The following CNBD1 variants were observed in gnomAD, a reference collection of about 807,000 sequenced individuals.
The protein encoded by CNBD1 is cyclic nucleotide-binding domain-containing protein 1.
CNBD1 carries 71 observed loss-of-function variants against 54.4 expected under a neutral mutation model. That is an observed-to-expected ratio of 1.30 (90% CI 1.08 to 1.59). The LOEUF is 1.59. Among genes scored for constraint, CNBD1 ranks in the 40% most tolerant of loss-of-function variants. The pLI is 0.00. For synonymous variants in CNBD1, 182 were observed against 170.7 expected, an observed-to-expected ratio of 1.07 and a Z score of -0.51; for missense variants, 659 against 518.0, an observed-to-expected ratio of 1.27 and a Z score of -2.64.
chr8:87,205,877 TA>T (rs1813961079), intron 4 of CNBD1, 115 bp from the exon 5 acceptor site: 2 of 840,832 alleles, frequency 2.4e-6, no homozygotes, highest in Non-Finnish European at 3.3e-6. Flanking sequence ...AGTTCTTTTT[TA>T]AAAACCCTTA....
chr8:86,923,663 C>A (rs1809312463), intron 3 of CNBD1, among the ~76,000 whole-genome samples: 1 of 152,136 alleles, frequency 6.6e-6, no homozygotes, highest in Non-Finnish European at 1.5e-5. Flanking sequence ...TGCCTCAATG[C>A]AACATCTCTT....
intron 4 of CNBD1, among the ~76,000 whole-genome samples, chr8:86,953,154 T>C (rs1807669543): frequency 6.6e-6 from 1 of 152,196 alleles, no homozygotes; most frequent in Non-Finnish European, 1.5e-5. Context: ...TTGTGGCTAT[T>C]ATGAATGAAG....
intron 6 of CNBD1, among the ~76,000 whole-genome samples, chr8:87,270,211 T>A (rs1270663672): frequency 6.6e-6 from 1 of 151,906 alleles, no homozygotes; most frequent in Non-Finnish European, 1.5e-5. Flanking sequence ...ATTCAACATT[T>A]CTTCATGTGA....
chr8:87,238,085 C>G (rs1026306500), intron 6 of CNBD1, among the ~76,000 whole-genome samples: 2 of 137,590 alleles, frequency 1.5e-5, no homozygotes, highest in Non-Finnish European at 3.0e-5. Flanking sequence ...TTTTAATGTT[C>G]AAACTCATGT....
chr8:86,932,771 GCTT>G (rs772200496), intron 3 of CNBD1, among the ~76,000 whole-genome samples: 25 of 151,996 alleles, frequency 1.6e-4, no homozygotes, highest in Non-Finnish European at 3.2e-4. Flanking sequence ...TCAAGGGTGA[GCTT>G]CTTGATGCCT....
chr8:87,348,007 G>T (rs1266564075), intron 8 of CNBD1, among the ~76,000 whole-genome samples: 3 of 152,092 alleles, frequency 2.0e-5, no homozygotes, highest in Non-Finnish European at 4.4e-5. Context: ...CCTCAGGTTT[G>T]TCTATAACTG....
At chr8:87,012,982 C>A (rs1469662564) in intron 4 of CNBD1, among the ~76,000 whole-genome samples, 1 of 152,182 alleles carries the variant, frequency 6.6e-6, no homozygotes, top group Admixed American at 6.5e-5. Flanking sequence ...ATATTTGGCT[C>A]AGAATAAATT....
Position 86,964,241 on chromosome 8 carries a change from C to T in CNBD1, c.431+24487C>T, listed in dbSNP as rs192517470. ...GGATAGCCCAGTGCAATCAAGAGGT[C>T]TAGTCCCAGTCCCTTGCAAGCCATC... On this transcript the variant is annotated intron_variant, in intron 4 of 10. Coordinates refer to ENST00000518476, the MANE Select transcript of CNBD1 (RefSeq NM_173538.3). Among the ~76,000 whole-genome samples, 195 of 62,592 alleles carry T rather than the reference C, an allele frequency of 3.1e-3. 5 individuals carry two copies. The South Asian group carries it at 0.084, about 27-fold the overall frequency. The allele number at this position is 62,592 out of a possible 152,430, so 41.1% of individuals were successfully genotyped here.
At chr8:87,074,372 G>A (rs1458273321) in intron 4 of CNBD1, among the ~76,000 whole-genome samples, 1 of 151,862 alleles carries the variant, frequency 6.6e-6, no homozygotes, top group African/African-American at 2.4e-5. Context: ...TGTGAAATTT[G>A]GGCCTGCAGA....
At chr8:86,902,326 T>C (rs1467322731) in intron 2 of CNBD1, among the ~76,000 whole-genome samples, 1 of 152,018 alleles carries the variant, frequency 6.6e-6, no homozygotes, top group Admixed American at 6.6e-5. Context: ...TCCATAGCAG[T>C]TATTAACATT....
chr8:87,152,352 A>G (rs1455413724), intron 4 of CNBD1, among the ~76,000 whole-genome samples: 1 of 151,828 alleles, frequency 6.6e-6, no homozygotes, highest in South Asian at 2.1e-4. Flanking sequence ...GGGGTGTCCA[A>G]TCTTTTGGCT....
At chr8:87,327,988 G>C (rs752427310) in intron 8 of CNBD1, among the ~76,000 whole-genome samples, 1 of 151,504 alleles carries the variant, frequency 6.6e-6, no homozygotes, top group African/African-American at 2.4e-5. Context: ...TAAAAGTTTA[G>C]TTTAATTTCT....
At chr8:87,160,854 C>A (rs770357456) in intron 4 of CNBD1, among the ~76,000 whole-genome samples, 11 of 152,076 alleles carry the variant, frequency 7.2e-5, no homozygotes, top group Non-Finnish European at 1.6e-4. Flanking sequence ...GGAGAACACT[C>A]TTTGATGATT....
chr8:87,059,466 A>G (rs1028617535), intron 4 of CNBD1, among the ~76,000 whole-genome samples: 1 of 152,188 alleles, frequency 6.6e-6, no homozygotes, highest in African/African-American at 2.4e-5. Flanking sequence ...AGACTGGGTA[A>G]TTTATAAAGG....
intron 5 of CNBD1, among the ~76,000 whole-genome samples, chr8:87,229,580 A>G (rs1192929639): frequency 2.0e-5 from 3 of 151,982 alleles, no homozygotes; most frequent in Non-Finnish European, 4.4e-5. Flanking sequence ...TATGTCAAAT[A>G]CTCTTTGAAT....
chr8:87,119,571 T>A (rs896713661), intron 4 of CNBD1, among the ~76,000 whole-genome samples: 1 of 152,132 alleles, frequency 6.6e-6, no homozygotes, highest in Non-Finnish European at 1.5e-5. Context: ...ATGCCTTTTA[T>A]TTTTTTCTCT....
At position 87,303,302 on chromosome 8, in the gene CNBD1, G is replaced by C. The variant is rs1809055622; in HGVS notation, c.1042+16631G>C. ...ACCAAAACAGAGATATAGACCAATG[G>C]AACAGAACAGAGCCCTCAGAAATAA... On this transcript the variant is annotated intron_variant, in intron 8 of 10. Transcript: ENST00000518476. Among the ~76,000 whole-genome samples the C allele has an allele frequency of 2.6e-5, 4 of 151,976 alleles. No individual in the cohort carries two copies. The South Asian group carries it at 8.3e-4, about 32-fold the overall frequency.
chr8:87,253,884 G>T (rs1807957379), intron 6 of CNBD1, among the ~76,000 whole-genome samples: 1 of 152,064 alleles, frequency 6.6e-6, no homozygotes, highest in Non-Finnish European at 1.5e-5. Context: ...GACGGGAATT[G>T]GAATTTAGTT....
chr8:87,103,064 A>C (rs1367918466), intron 4 of CNBD1, among the ~76,000 whole-genome samples: 1 of 152,186 alleles, frequency 6.6e-6, no homozygotes, highest in Non-Finnish European at 1.5e-5. Flanking sequence ...AAAGTTGAAA[A>C]GAAGATGATG....
Sources: allele counts gnomAD v4.1 joint callset (sites outside exome capture counted in the v4.1 genomes callset), GRCh38; gene constraint gnomAD v4.1.1; transcripts MANE v1.5; gene names NCBI Gene and HGNC (gene_info 2026-07-23, HGNC 2026-07-21).